RAE1: variants seen among roughly 807,000 people sequenced by gnomAD.
The protein encoded by RAE1 is mRNA export factor RAE1.
A neutral mutation model predicts 52.7 loss-of-function variants in RAE1; 13 were observed. That is an observed-to-expected ratio of 0.25 (90% confidence interval 0.16 to 0.39). The LOEUF (loss-of-function observed/expected upper bound fraction) is 0.39. Ranked by LOEUF, RAE1 falls within the 10% of genes least tolerant of loss-of-function variation. The probability of loss-of-function intolerance (pLI) is 1.00; values close to 1 mark genes in which losing one functional copy is unlikely to be tolerated. For synonymous variants in RAE1, 164 were observed against 153.1 expected, an observed-to-expected ratio of 1.07 and a Z score of -0.52; for missense variants, 262 against 459.8, an observed-to-expected ratio of 0.57 and a Z score of 3.93.
chr20:57,374,563 C>A, intron 10 of RAE1, 44 bp from the exon 11 acceptor site: 1 of 1,549,714 alleles, frequency 6.5e-7, no homozygotes, highest in South Asian at 1.2e-5. Flanking sequence ...ACCTTCTCTG[C>A]GCCCCTCTGC....
At chr20:57,366,069 A>G (rs1489273269) in intron 5 of RAE1, among the ~76,000 whole-genome samples, 2 of 152,198 alleles carry the variant, frequency 1.3e-5, no homozygotes, top group Admixed American at 1.3e-4. Flanking sequence ...TGTGCTAGAA[A>G]CATCTCATTG....
intron 8 of RAE1, chr20:57,371,713 A>G (rs1018467249): frequency 6.6e-6 from 1 of 151,596 alleles, no homozygotes; most frequent in African/African-American, 2.4e-5. Flanking sequence ...GTCTTGATTC[A>G]AAAGAATCAA....
In RAE1 at chr20:57,358,875, AG is replaced by A. The variant is rs1238381015; in HGVS notation, c.288+2340del. On this transcript the variant is annotated intron_variant, in intron 4 of 11. Coordinates refer to ENST00000395841, the MANE Select transcript of RAE1 (RefSeq NM_003610.4). ...TCACCCCAACCAAAATTTTTAATGC[AG>A]GGATAGGAGGCTAGGGCCTGTAGGC... 7 of 1,059,238 alleles carry A rather than the reference AG, an allele frequency of 6.6e-6. No homozygotes were observed. The South Asian group carries it at 8.6e-5, about 13-fold the overall frequency. The allele number at this position is 1,059,238 out of a possible 1,614,324, so 65.6% of individuals were successfully genotyped here. A position where few individuals can be genotyped will look rare whatever the true frequency, so the allele number is the denominator to read the frequency against.
At position 57,378,349 on chromosome 20, in the gene RAE1, G is replaced by A. The variant is rs918267970; in HGVS notation, c.*250G>A. The A allele has an allele frequency of 1.4e-5, 6 of 434,350 alleles. No homozygotes were observed. The highest frequency in any genetic ancestry group is 6.8e-5 in the East Asian group (2 of 29,400). The allele number at this position is 434,350 out of a possible 1,614,324, so 26.9% of individuals were successfully genotyped here. ...GAGGTTATTGTAGACGTTAGATTGC[G>A]GGCACCGCCAGGGATTTTGCAGCGC... On this transcript the variant is annotated 3_prime_UTR_variant, in exon 12 of 12. Coordinates refer to ENST00000395841, the MANE Select transcript of RAE1 (RefSeq NM_003610.4).
intron 7 of RAE1, among the ~76,000 whole-genome samples, chr20:57,367,864 T>A (rs2066980150): frequency 6.6e-6 from 1 of 151,890 alleles, no homozygotes; most frequent in South Asian, 2.1e-4. Context: ...AAGAAAATAA[T>A]CATAGATACA....
chr20:57,367,777 AC>A (rs1401004814), intron 7 of RAE1, among the ~76,000 whole-genome samples: 1 of 151,678 alleles, frequency 6.6e-6, no homozygotes, highest in African/African-American at 2.4e-5. Flanking sequence ...AAGAAATGGA[AC>A]TTTCTCCATT....
chr20:57,357,309 T>A (rs181949391), intron 4 of RAE1: 12 of 152,360 alleles, frequency 7.9e-5, no homozygotes, highest in Admixed American at 2.6e-4. Flanking sequence ...ATCTGTTTTT[T>A]TTGTCCCTAT....
intron 8 of RAE1, among the ~76,000 whole-genome samples, chr20:57,370,021 C>T (rs1039827201): frequency 3.9e-5 from 6 of 152,138 alleles, no homozygotes; most frequent in African/African-American, 1.4e-4. Context: ...TCTCTCCTGC[C>T]GCGTAGTACT....
intron 4 of RAE1, chr20:57,357,732 G>A (rs958423293): frequency 3.9e-5 from 6 of 152,168 alleles, no homozygotes; most frequent in African/African-American, 9.7e-5. Context: ...ATGAGCCTGC[G>A]GCATATTCGA....
chr20:57,367,433 C>T (rs1490353907), intron 7 of RAE1, among the ~76,000 whole-genome samples: 1 of 152,136 alleles, frequency 6.6e-6, no homozygotes, highest in East Asian at 1.9e-4. Context: ...GGGACTGTTT[C>T]TGAGTGGGAT....
Position 57,354,013 on chromosome 20 carries a change from A to G in RAE1, c.-7-19A>G, listed in dbSNP as rs756460136. The G allele has an allele frequency of 1.1e-5, 18 of 1,601,974 alleles. No homozygotes were observed. In the South Asian group the frequency reaches 2.0e-4, roughly 18 times the overall value. ...TATTAAGAGAAAACCCATCCTTAAC[A>G]TTTTTCATTACTTTTTAGGTTCAAA... On this transcript the variant is annotated intron_variant, in intron 1 of 11. Coordinates refer to ENST00000395841, the MANE Select transcript of RAE1 (RefSeq NM_003610.4).
At chr20:57,375,960 T>TG (rs1288653379) in intron 11 of RAE1, among the ~76,000 whole-genome samples, 7 of 152,142 alleles carry the variant, frequency 4.6e-5, no homozygotes, top group Non-Finnish European at 1.5e-5. Flanking sequence ...TATCTCAGCC[T>TG]GGGGGGCCAC....
At chr20:57,374,315 C>G (rs954534040) in intron 10 of RAE1, among the ~76,000 whole-genome samples, 1 of 152,214 alleles carries the variant, frequency 6.6e-6, no homozygotes, top group Non-Finnish European at 1.5e-5. Context: ...ACAGCTCAGA[C>G]TGAGAAATCT....
chr20:57,365,480 G>T (rs1435268400), intron 5 of RAE1, 38 bp downstream of exon 5: 1 of 1,444,856 alleles, frequency 6.9e-7, no homozygotes, highest in East Asian at 2.3e-5. Flanking sequence ...GGCACAACTG[G>T]TACCCAGGAC....
Position 57,375,651 on chromosome 20 carries a change from G to A in RAE1, c.1020+850G>A, listed in dbSNP as rs571451924. Among the ~76,000 whole-genome samples the A allele has an allele frequency of 4.6e-5, 7 of 152,252 alleles. No homozygotes were observed. The South Asian group carries it at 1.2e-3, about 27-fold the overall frequency. ...CATTTCCATGTATATTAAGGCTATC[G>A]AGAGAGTGGTGTCAGCACCTACCCT... On this transcript the variant is annotated intron_variant, in intron 11 of 11. Coordinates refer to ENST00000395841, the MANE Select transcript of RAE1 (RefSeq NM_003610.4).
chr20:57,373,481 T>C lies in RAE1; in HGVS notation c.649T>C (p.Cys217Arg). The change falls in exon 9 of 12, where the codon TGT (cysteine) becomes CGT (arginine). Residue 217 changes from cysteine to arginine, a missense_variant. Coordinates refer to ENST00000395841, the MANE Select transcript of RAE1 (RefSeq NM_003610.4). ...TTTTTTATTTTAACTGTAGCATCGG[T>C]GTGTGGCTATTTTTAAAGACAAACA... The part of the protein sequence containing the change: ...IESPLKHQHR[C>R]VAIFKDKQNK... 2 of 1,612,984 alleles carry C rather than the reference T, an allele frequency of 1.2e-6. No homozygotes were observed. Among genetic ancestry groups the C allele is most frequent in the Non-Finnish European group, 1.7e-6 (2 of 1,178,990 alleles).
chr20:57,366,768 C>G (rs142280488), intron 5 of RAE1, 39 bp from the exon 6 acceptor site: 5 of 1,536,660 alleles, frequency 3.3e-6, no homozygotes, highest in Non-Finnish European at 4.5e-6. Flanking sequence ...CACATTCTTA[C>G]ATTTACCTTG....
intron 7 of RAE1, 22 bp downstream of exon 7, chr20:57,367,101 T>G: frequency 6.6e-7 from 1 of 1,512,162 alleles, no homozygotes; most frequent in South Asian, 1.2e-5. Flanking sequence ...CAACTTAATA[T>G]GTATTTACTT....
rs1555834275 is a variant in RAE1, at chr20:57,373,594, C to CGG, written c.749+13_749+14insGG. 1.2e-6 allele frequency: 2 copies of CGG among 1,613,302 alleles called. No individual in the cohort carries two copies. The highest frequency in any genetic ancestry group is 1.7e-6 in the Non-Finnish European group (2 of 1,179,334). On this transcript the variant is annotated intron_variant, in intron 9 of 11. Coordinates refer to ENST00000395841, the MANE Select transcript of RAE1 (RefSeq NM_003610.4). ...ACCCCCCGAACCCGTAAGTGTGACT[C>CGG]TGTCAGCTTGCAGATTTCACTGGAC...
Sources: allele counts gnomAD v4.1 joint callset (sites outside exome capture counted in the v4.1 genomes callset), GRCh38; gene constraint gnomAD v4.1.1; transcripts MANE v1.5; gene names NCBI Gene and HGNC (gene_info 2026-07-23, HGNC 2026-07-21).